RTL9: variants seen among roughly 807,000 people sequenced by gnomAD.
RTL9 encodes the protein retrotransposon Gag like 9.
In RTL9, 19 loss-of-function variants were observed where a neutral mutation model predicts 44.7. The observed-to-expected ratio is 0.42, with a 90% CI of 0.30 to 0.62. RTL9 has a LOEUF of 0.62. Ranked by LOEUF, RTL9 falls within the 20% of genes least tolerant of loss-of-function variation. The pLI, the probability that RTL9 is intolerant of heterozygous loss-of-function variation, is 0.16. For missense variants in RTL9, 1,105 were observed against 1,080.6 expected, an observed-to-expected ratio of 1.02 and a Z score of -0.32; for synonymous variants, 407 against 398.9, an observed-to-expected ratio of 1.02 and a Z score of -0.24.
At chrX:110,374,245 C>T (rs1039313784) in intron 1 of RTL9, among the ~76,000 whole-genome samples, 4 of 111,834 alleles carry the variant, frequency 3.6e-5, no homozygotes, top group Non-Finnish European at 5.7e-5. Context: ...AAATGAAAAT[C>T]TTGAAACCTA....
At chrX:110,432,891 C>T (rs2068808254) in intron 1 of RTL9, among the ~76,000 whole-genome samples, 1 of 112,846 alleles carries the variant, frequency 8.9e-6, no homozygotes, top group Admixed American at 9.3e-5. Flanking sequence ...CATCCTCAGA[C>T]GCTTCTAGGA....
At chrX:110,414,909 C>A (rs865965640), upstream of RTL9, among the ~76,000 whole-genome samples, 152 of 112,188 alleles carry the variant, frequency 1.4e-3, no homozygotes, top group African/African-American at 4.7e-3. Context: ...TCACACAGTA[C>A]TATTTTTGGC....
At chrX:110,380,163 A>G (rs1269133119) in intron 1 of RTL9, among the ~76,000 whole-genome samples, 1 of 111,870 alleles carries the variant, frequency 8.9e-6, no homozygotes, top group Non-Finnish European at 1.9e-5. Context: ...CAGACATGGG[A>G]AAATGTAGCT....
At chrX:110,455,102 A>C in intron 1 of RTL9, 100 bp from the exon 4 acceptor site, 1 of 1,069,617 alleles carries the variant, frequency 9.3e-7, no homozygotes. Context: ...TAAATTAGCA[A>C]AGTGTCTTGA....
intron 1 of RTL9, among the ~76,000 whole-genome samples, chrX:110,413,034 A>C (rs2068651774): frequency 8.9e-6 from 1 of 111,860 alleles, no homozygotes; most frequent in South Asian, 3.7e-4. Context: ...CACATCCCCC[A>C]GTTCTTGGCC....
At chrX:110,408,569 C>T in intron 1 of RTL9, among the ~76,000 whole-genome samples, 1 of 112,137 alleles carries the variant, frequency 8.9e-6, no homozygotes, top group Non-Finnish European at 1.9e-5. Context: ...TTCCCCTGCC[C>T]CGACCCCACA....
chrX:110,450,880 C>T (rs865967080), exon 1 of RTL9: 1 of 1,211,934 alleles, frequency 8.3e-7, no homozygotes, highest in Admixed American at 2.2e-5. Flanking sequence ...GGAGCATTGT[C>T]CCCACCCCTA....
intron 1 of RTL9, among the ~76,000 whole-genome samples, chrX:110,376,456 G>T (rs2068377242): frequency 9.0e-6 from 1 of 111,344 alleles, no homozygotes; most frequent in African/African-American, 3.3e-5. Context: ...TATTCTATTA[G>T]CCCAAGTGAG....
chrX:110,425,276 G>A (rs952248110), intron 1 of RTL9, among the ~76,000 whole-genome samples: 2 of 112,387 alleles, frequency 1.8e-5, no homozygotes, highest in African/African-American at 6.5e-5. Flanking sequence ...AATGATGGGG[G>A]TGTGGCAGGG....
chrX:110,360,046 A>C (rs181462022), intron 1 of RTL9, among the ~76,000 whole-genome samples: 64 of 112,082 alleles, frequency 5.7e-4, no homozygotes, highest in African/African-American at 1.9e-3. Flanking sequence ...TGAATGGAGG[A>C]AGCAGTTTGA....
At chrX:110,445,486 G>A (rs755757592) in intron 2 of RTL9, among the ~76,000 whole-genome samples, 1 of 111,471 alleles carries the variant, frequency 9.0e-6, no homozygotes, top group Non-Finnish European at 1.9e-5. Flanking sequence ...TGTCAGGGCT[G>A]TGGGGGAGGA....
intron 1 of RTL9, among the ~76,000 whole-genome samples, chrX:110,442,288 T>TGTGTGTG (rs1340916542): frequency 9.4e-6 from 1 of 106,770 alleles, no homozygotes; most frequent in African/African-American, 3.5e-5. Flanking sequence ...TGTGTGTGTG[T>TGTGTGTG]TTCAGAAAAG....
At chrX:110,414,300 C>T (rs952305820), upstream of RTL9, among the ~76,000 whole-genome samples, 1 of 112,502 alleles carries the variant, frequency 8.9e-6, no homozygotes, top group African/African-American at 3.2e-5. Flanking sequence ...GACAATAGCA[C>T]TTGCAAACTT....
intron 1 of RTL9, among the ~76,000 whole-genome samples, chrX:110,366,336 A>G (rs771867879): frequency 8.9e-6 from 1 of 111,928 alleles, no homozygotes; most frequent in African/African-American, 3.3e-5. Flanking sequence ...AGTCCTTAAT[A>G]GGTCAACAGG....
chrX:110,419,978 T>C (rs1304517241), intron 1 of RTL9, among the ~76,000 whole-genome samples: 1 of 111,854 alleles, frequency 8.9e-6, no homozygotes, highest in African/African-American at 3.3e-5. Flanking sequence ...ATTTAACAGA[T>C]GAAGGAATTG....
chrX:110,451,292 C>T (rs1430544398), exon 1 of RTL9: 1 of 1,211,935 alleles, frequency 8.3e-7, no homozygotes, highest in Non-Finnish European at 1.1e-6. Flanking sequence ...CAGCTCCCAG[C>T]TCTGAGGCAA....
At chrX:110,389,998 G>A (rs757134822) in intron 1 of RTL9, among the ~76,000 whole-genome samples, 5 of 111,876 alleles carry the variant, frequency 4.5e-5, no homozygotes, top group Non-Finnish European at 7.5e-5. Context: ...AGTGTGTGAA[G>A]TGTGTTTGTC....
intron 1 of RTL9, among the ~76,000 whole-genome samples, chrX:110,443,107 A>T (rs1007275124): frequency 2.7e-5 from 3 of 112,004 alleles, no homozygotes; most frequent in Non-Finnish European, 3.8e-5. Flanking sequence ...GATTCTTTAC[A>T]CGTTGTTTTG....
chrX:110,398,754 T>C (rs1301905942), intron 1 of RTL9, among the ~76,000 whole-genome samples: 2 of 112,319 alleles, frequency 1.8e-5, no homozygotes, highest in African/African-American at 6.5e-5. Flanking sequence ...CATAGTTGGG[T>C]TGTAAACATT....
Sources: allele counts gnomAD v4.1 joint callset (sites outside exome capture counted in the v4.1 genomes callset), GRCh38; gene constraint gnomAD v4.1.1; transcripts MANE v1.5; gene names NCBI Gene and HGNC (gene_info 2026-07-23, HGNC 2026-07-21).